STOML3: variants seen among roughly 807,000 people sequenced by gnomAD.
The protein encoded by STOML3 is stomatin like 3.
STOML3 carries 31 observed loss-of-function variants against 29.5 expected under a neutral mutation model. The observed-to-expected ratio is 1.05, with a 90% CI of 0.79 to 1.42. The LOEUF (loss-of-function observed/expected upper bound fraction) is 1.42. Among genes scored for constraint, STOML3 ranks in the 40% most tolerant of loss-of-function variants. STOML3 has a pLI of 0.00. For missense variants in STOML3, 380 were observed against 363.0 expected, an observed-to-expected ratio of 1.05 and a Z score of -0.38; for synonymous variants, 122 against 139.8, an observed-to-expected ratio of 0.87 and a Z score of 0.90.
chr13:38,988,386 T>A lies in STOML3; in HGVS notation c.52+2284A>T, dbSNP rs866327247. ...TTTATATAATATATTATATTTTATATCATATATTTTATATAAAATATATGA... is the reference window on the plus strand; with the variant it reads ...TTTATATAATATATTATATTTTATAACATATATTTTATATAAAATATATGA... On this transcript the variant is annotated intron_variant, in intron 1 of 6. Transcript: ENST00000379631. 2.9e-5 allele frequency among the ~76,000 whole-genome samples: 3 copies of A among 103,180 alleles called. No individual in the cohort carries two copies. The South Asian group carries it at 1.0e-3, about 35-fold the overall frequency. 67.7% of individuals were successfully genotyped at this position (103,180 alleles called of 152,430 possible).
intron 1 of STOML3, among the ~76,000 whole-genome samples, chr13:38,988,410 G>T (rs9706995): frequency 0.016 from 721 of 44,294 alleles, 37 homozygotes; most frequent in African/African-American, 0.1. Context: ...TAAAATATAT[G>T]ATATTTTATA....
chr13:38,973,021 G>C (rs1880936004), intron 3 of STOML3, among the ~76,000 whole-genome samples: 1 of 149,830 alleles, frequency 6.7e-6, no homozygotes, highest in Non-Finnish European at 1.5e-5. Flanking sequence ...CACTCTGGGA[G>C]GCCGAGGCAG....
intron 5 of STOML3, among the ~76,000 whole-genome samples, chr13:38,969,653 G>A (rs7991385): frequency 0.23 from 34,433 of 151,994 alleles, 4,006 homozygotes; most frequent in Middle Eastern, 0.36. Context: ...CCATAAACTC[G>A]TGTGTGTGAG....
chr13:38,966,946 G>A lies in STOML3; in HGVS notation c.755C>T (p.Thr252Ile). Residue 252 changes from threonine (T) to isoleucine (I), a missense_variant, in exon 7 of 7, where the codon ACC becomes ATC. Transcript: ENST00000379631. ...PIALQLRYLQ[T>I]LSTVATEKNS... ...CTTCTCGGTGGCTACCGTGCTCAAG[G>A]TCTGCAGGTAGCGCAGCTGGAGAGC... 2 of 1,611,018 alleles carry A rather than the reference G, an allele frequency of 1.2e-6. No homozygotes were observed. Among genetic ancestry groups the A allele is most frequent in the Middle Eastern group, 3.3e-4 (2 of 6,062 alleles).
At chr13:38,990,231 A>G (rs1448379271) in intron 1 of STOML3, among the ~76,000 whole-genome samples, 1 of 152,216 alleles carries the variant, frequency 6.6e-6, no homozygotes, top group African/African-American at 2.4e-5. Context: ...AAATGTTTGA[A>G]GTTGGAGAAA....
rs1019669788 is a variant in STOML3, at chr13:38,966,910, A to G, written c.791T>C (p.Ile264Thr). The change falls in exon 7 of 7, where the codon ATT (isoleucine) becomes ACT (threonine). Residue 264 changes from isoleucine to threonine, a missense_variant. Coordinates refer to ENST00000379631, the MANE Select transcript of STOML3 (RefSeq NM_145286.3). ...STVATEKNST[I>T]VFPLPMNILE... is the part of the protein sequence containing the mutation. ...TATATTCATGGGCAGAGGAAACACA[A>G]TCGTAGAATTCTTCTCGGTGGCTAC... 1 of 1,613,810 alleles carries G rather than the reference A, an allele frequency of 6.2e-7. No individual in the cohort carries two copies. Among genetic ancestry groups the G allele is most frequent in the Non-Finnish European group, 8.5e-7 (1 of 1,179,976 alleles).
At chr13:38,977,298 T>A (rs1002228000) in intron 1 of STOML3, among the ~76,000 whole-genome samples, 1 of 152,244 alleles carries the variant, frequency 6.6e-6, no homozygotes, top group Non-Finnish European at 1.5e-5. Context: ...GTGAGCTCTG[T>A]CACTTACCAA....
At chr13:38,983,095 T>A (rs866001419) in intron 1 of STOML3, among the ~76,000 whole-genome samples, 6 of 152,206 alleles carry the variant, frequency 3.9e-5, no homozygotes, top group Middle Eastern at 3.2e-3. Flanking sequence ...TTAAATTCAG[T>A]GCCCTCAAAA....
intron 1 of STOML3, among the ~76,000 whole-genome samples, chr13:38,982,337 T>C (rs1486541615): frequency 6.6e-6 from 1 of 152,106 alleles, no homozygotes; most frequent in African/African-American, 2.4e-5. Flanking sequence ...GTTTATTTTT[T>C]ATTGTTTCAT....
intron 1 of STOML3, among the ~76,000 whole-genome samples, chr13:38,977,604 G>A (rs1422766299): frequency 1.3e-5 from 2 of 152,052 alleles, no homozygotes; most frequent in East Asian, 3.9e-4. Context: ...ATCTCTTCTC[G>A]CTAATCACAC....
chr13:38,971,697 C>A (rs763009331), intron 4 of STOML3, among the ~76,000 whole-genome samples: 2 of 152,130 alleles, frequency 1.3e-5, no homozygotes, highest in Admixed American at 6.6e-5. Context: ...CCGAAGCAGG[C>A]AGATTACCTG....
chr13:38,970,478 G>A (rs1329899551), intron 4 of STOML3, 90 bp from the exon 5 acceptor site: 1 of 1,088,860 alleles, frequency 9.2e-7, no homozygotes, highest in Non-Finnish European at 1.4e-6. Flanking sequence ...ATCCTCCACA[G>A]AAGGAGAGCA....
At chr13:38,984,789 T>G (rs965998652) in intron 1 of STOML3, among the ~76,000 whole-genome samples, 1 of 152,200 alleles carries the variant, frequency 6.6e-6, no homozygotes, top group African/African-American at 2.4e-5. Context: ...ATAACTTTTT[T>G]TATAGGACCT....
intron 1 of STOML3, among the ~76,000 whole-genome samples, chr13:38,988,362 T>TTATATAATATATTATATTTTA: frequency 1.4e-4 from 1 of 7,162 alleles, no homozygotes; most frequent in Non-Finnish European, 2.3e-4. Flanking sequence ...ATCATATATT[T>TTATATAATATATTATATTTTA]TATATAATAT....
chr13:38,972,227 C>T (rs1406863691), intron 4 of STOML3, among the ~76,000 whole-genome samples: 1 of 152,176 alleles, frequency 6.6e-6, no homozygotes, highest in African/African-American at 2.4e-5. Flanking sequence ...ATTCTCCATC[C>T]CAGCTTCCCT....
chr13:38,980,059 C>T lies in STOML3; in HGVS notation c.53-3262G>A, dbSNP rs1232645380. Reference sequence around the variant, plus strand: ...AGAGAAAATCGCACTGACCTACAAGCTCGCCTCTGGAGTTCATCAAGCCCT... The same window carrying T: ...AGAGAAAATCGCACTGACCTACAAGTTCGCCTCTGGAGTTCATCAAGCCCT... On this transcript the variant is annotated intron_variant, in intron 1 of 6. Coordinates refer to ENST00000379631, the MANE Select transcript of STOML3 (RefSeq NM_145286.3). The T allele has an allele frequency of 3.2e-6, 5 of 1,551,594 alleles. No individual in the cohort carries two copies. The East Asian group carries it at 1.2e-4, about 38-fold the overall frequency.
chr13:38,974,019 A>G (rs1880983220), intron 3 of STOML3, among the ~76,000 whole-genome samples: 1 of 152,142 alleles, frequency 6.6e-6, no homozygotes, highest in African/African-American at 2.4e-5. Flanking sequence ...ATTCATGTAC[A>G]ATAGCATTCT....
At chr13:38,985,866 CA>C (rs1868492865) in intron 1 of STOML3, among the ~76,000 whole-genome samples, 1 of 140,298 alleles carries the variant, frequency 7.1e-6, no homozygotes, top group Non-Finnish European at 1.5e-5. Flanking sequence ...GAATATTAAC[CA>C]AAATATTAAC....
chr13:38,989,426 A>C (rs368170278), intron 1 of STOML3, among the ~76,000 whole-genome samples: 3 of 152,218 alleles, frequency 2.0e-5, no homozygotes, highest in African/African-American at 7.2e-5. Context: ...TTTCATGCCT[A>C]CTTCAAAAGA....
Sources: gnomAD v4.1 joint callset for allele counts (sites outside exome capture counted in the v4.1 genomes callset) on GRCh38, gnomAD v4.1.1 for gene constraint, MANE v1.5 for transcripts, NCBI Gene and HGNC (gene_info 2026-07-23, HGNC 2026-07-21) for gene names.